MAJIN: variants seen among roughly 807,000 people sequenced by gnomAD.
The protein encoded by MAJIN is membrane anchored junction protein, also known as membrane-anchored junction protein.
Under a neutral mutation model 30.2 loss-of-function variants are expected in MAJIN, and 27 were observed. The observed-to-expected ratio is 0.89, with a 90% CI of 0.66 to 1.23. MAJIN has a LOEUF of 1.23. MAJIN is among the 50% of genes most tolerant of loss of function. The pLI, the probability that MAJIN is intolerant of heterozygous loss-of-function variation, is 0.00. For missense variants in MAJIN, 253 were observed against 260.3 expected (o/e 0.97, Z 0.19); for synonymous variants, 78 against 91.6 (o/e 0.85, Z 0.85).
intron 1 of MAJIN, among the ~76,000 whole-genome samples, chr11:64,968,162 A>G (rs1324261750): frequency 6.6e-6 from 1 of 152,238 alleles, no homozygotes. Context: ...GGCAGGGACC[A>G]GATCGTGTAA....
intron 4 of MAJIN, among the ~76,000 whole-genome samples, chr11:64,953,777 G>C (rs535654020): frequency 6.6e-6 from 1 of 152,184 alleles, no homozygotes; most frequent in East Asian, 1.9e-4. Context: ...GTGACAGAGC[G>C]AAACTCCATC....
chr11:64,942,143 T>C lies in MAJIN; in HGVS notation c.474-1497A>G, dbSNP rs2136719369. On this transcript the variant is annotated intron_variant, in intron 8 of 10. Transcript: ENST00000301896. Reference sequence around the variant, plus strand: ...TTTGGGAATCTCTGCCACTGGCTACTACTCTCTTCACCCAGTCAGAACCTA... The same window carrying C: ...TTTGGGAATCTCTGCCACTGGCTACCACTCTCTTCACCCAGTCAGAACCTA... 3.3e-5 allele frequency among the ~76,000 whole-genome samples: 5 copies of C among 152,332 alleles called. No individual in the cohort carries two copies. The South Asian group carries it at 1.0e-3, about 32-fold the overall frequency.
chr11:64,948,328 A>G (rs1590694017), intron 6 of MAJIN, among the ~76,000 whole-genome samples: 1 of 151,976 alleles, frequency 6.6e-6, no homozygotes, highest in Non-Finnish European at 1.5e-5. Context: ...GGGTTTGAAA[A>G]GGGAGGGGAC....
intron 3 of MAJIN, among the ~76,000 whole-genome samples, chr11:64,958,160 C>T (rs1945664957): frequency 6.9e-6 from 1 of 145,656 alleles, no homozygotes; most frequent in Admixed American, 6.9e-5. Context: ...CCAGGCTGGT[C>T]TCGAACTCCT....
chr11:64,951,255 T>C (rs1385311143), intron 4 of MAJIN, among the ~76,000 whole-genome samples: 2 of 152,226 alleles, frequency 1.3e-5, no homozygotes, highest in Non-Finnish European at 2.9e-5. Flanking sequence ...TTAACTGATA[T>C]ACAGTATTTT....
intron 1 of MAJIN, among the ~76,000 whole-genome samples, chr11:64,967,833 G>A (rs1172083109): frequency 6.6e-6 from 1 of 152,116 alleles, no homozygotes; most frequent in Non-Finnish European, 1.5e-5. Context: ...AGGAGGTGTG[G>A]AGAGCAACAT....
At chr11:64,961,081 A>G (rs918293532) in intron 1 of MAJIN, among the ~76,000 whole-genome samples, 6 of 152,182 alleles carry the variant, frequency 3.9e-5, no homozygotes, top group African/African-American at 1.4e-4. Context: ...GACTCTTCTC[A>G]GTAGGCGGTG....
intron 3 of MAJIN, 125 bp downstream of exon 3, chr11:64,959,180 C>A: frequency 5.1e-6 from 3 of 590,894 alleles, no homozygotes; most frequent in Admixed American, 3.1e-5. Flanking sequence ...CTGGGAAAGA[C>A]AGTCCTGCAA....
At chr11:64,942,988 A>G (rs907578523) in intron 8 of MAJIN, among the ~76,000 whole-genome samples, 1 of 152,196 alleles carries the variant, frequency 6.6e-6, no homozygotes, top group Non-Finnish European at 1.5e-5. Context: ...CTCACAAGAC[A>G]CTGTAGCCTT....
chr11:64,945,293 G>A (rs569539813), intron 8 of MAJIN, among the ~76,000 whole-genome samples: 1 of 152,122 alleles, frequency 6.6e-6, no homozygotes, highest in Admixed American at 6.5e-5. Context: ...AGGAGGCAGA[G>A]CTTGCAGTGA....
At chr11:64,946,140 T>A (rs1565124043) in intron 8 of MAJIN, 1 of 1,535,324 alleles carries the variant, frequency 6.5e-7, no homozygotes, top group Non-Finnish European at 8.7e-7. Context: ...TGGCTGGAAG[T>A]CCCTATCTTG....
At chr11:64,941,073 C>T (rs1945372042) in intron 8 of MAJIN, among the ~76,000 whole-genome samples, 1 of 152,012 alleles carries the variant, frequency 6.6e-6, no homozygotes, top group Non-Finnish European at 1.5e-5. Context: ...CTCCTGACCT[C>T]ATGATCTGCC....
intron 1 of MAJIN, among the ~76,000 whole-genome samples, chr11:64,961,236 C>T (rs193077148): frequency 1.7e-3 from 263 of 150,776 alleles, no homozygotes; most frequent in Middle Eastern, 0.017. Context: ...GGCATGATCT[C>T]GGCTCACTGC....
intron 1 of MAJIN, among the ~76,000 whole-genome samples, chr11:64,966,745 C>T (rs778901400): frequency 6.6e-6 from 1 of 151,214 alleles, no homozygotes; most frequent in African/African-American, 2.4e-5. Context: ...ACCAGCCTGA[C>T]CAACATGGTG....
chr11:64,957,964 C>A (rs1027442183), intron 3 of MAJIN, among the ~76,000 whole-genome samples: 56 of 150,376 alleles, frequency 3.7e-4, no homozygotes, highest in African/African-American at 1.3e-3. Context: ...TTTTTTAAGA[C>A]AGAGTTTCAC....
chr11:64,952,022 G>A (rs1945559894), intron 4 of MAJIN, among the ~76,000 whole-genome samples: 1 of 151,894 alleles, frequency 6.6e-6, no homozygotes. Context: ...CAAGTAGCTA[G>A]GATTATAGGC....
At chr11:64,948,086 C>G (rs988058012) in intron 6 of MAJIN, among the ~76,000 whole-genome samples, 1 of 151,994 alleles carries the variant, frequency 6.6e-6, no homozygotes, top group African/African-American at 2.4e-5. Context: ...GTCTCAAACT[C>G]CTGACCTCAG....
At chr11:64,967,421 A>G (rs556879176) in intron 1 of MAJIN, among the ~76,000 whole-genome samples, 1 of 152,074 alleles carries the variant, frequency 6.6e-6, no homozygotes, top group Admixed American at 6.6e-5. Context: ...AAGAAAAAGA[A>G]AAAAGAAAAA....
intron 8 of MAJIN, 112 bp from the exon 9 acceptor site, chr11:64,940,758 T>G: frequency 1.1e-6 from 1 of 877,792 alleles, no homozygotes; most frequent in African/African-American, 1.7e-5. Context: ...GCCTGGCTTC[T>G]GACTGCCTAG....
Sources: gnomAD v4.1 joint callset for allele counts (sites outside exome capture counted in the v4.1 genomes callset) on GRCh38, gnomAD v4.1.1 for gene constraint, MANE v1.5 for transcripts, NCBI Gene and HGNC (gene_info 2026-07-23, HGNC 2026-07-21) for gene names.